The following IGF1R variants were observed in gnomAD, a reference collection of about 807,000 sequenced individuals.
IGF1R encodes insulin like growth factor 1 receptor.
A neutral mutation model predicts 144.6 loss-of-function variants in IGF1R; 44 were observed. The ratio of observed to expected loss-of-function variants is 0.30; its 90% CI spans 0.24 to 0.39. IGF1R has a LOEUF of 0.39. Among genes scored for constraint, IGF1R ranks in the 10% least tolerant of loss-of-function variants. The probability of loss-of-function intolerance (pLI) is 1.00; values close to 1 mark genes in which losing one functional copy is unlikely to be tolerated. For missense variants in IGF1R, 1,355 were observed against 1,833.7 expected (o/e 0.74, Z 4.77); for synonymous variants, 795 against 722.8 (o/e 1.10, Z -1.60).
At chr15:98,783,996 A>G (rs934320213) in intron 2 of IGF1R, among the ~76,000 whole-genome samples, 12 of 89,018 alleles carry the variant, frequency 1.3e-4, no homozygotes, top group African/African-American at 4.7e-4. Flanking sequence ...TTTTTTTGAG[A>G]TGGAGTCTCC....
intron 2 of IGF1R, among the ~76,000 whole-genome samples, chr15:98,860,814 C>G (rs993811739): frequency 6.6e-6 from 1 of 152,128 alleles, no homozygotes; most frequent in Non-Finnish European, 1.5e-5. Context: ...GATTATTTGC[C>G]ACTTCCTTTT....
At chr15:98,720,296 G>A (rs2054216918) in intron 2 of IGF1R, among the ~76,000 whole-genome samples, 1 of 152,198 alleles carries the variant, frequency 6.6e-6, no homozygotes, top group Admixed American at 6.5e-5. Flanking sequence ...GTACACTTAA[G>A]CACCATTGTC....
At chr15:98,884,493 G>C (rs1461861718) in intron 2 of IGF1R, among the ~76,000 whole-genome samples, 3 of 152,010 alleles carry the variant, frequency 2.0e-5, no homozygotes, top group African/African-American at 7.3e-5. Flanking sequence ...AGGAGATTGA[G>C]ACCATCCTGG....
At position 98,911,295 on chromosome 15, in the gene IGF1R, G is replaced by A. The variant is rs766201560; in HGVS notation, c.1463-20G>A. ...AGACACATGAATCTCTGTCACTCAC[G>A]GATGTACTCTTTGCCCCAGGTGAAA... On this transcript the variant is annotated intron_variant, in intron 6 of 20. Coordinates refer to ENST00000650285, the MANE Select transcript of IGF1R (RefSeq NM_000875.5). The A allele has an allele frequency of 2.0e-5, 33 of 1,613,982 alleles. No individual in the cohort carries two copies. The highest frequency in any genetic ancestry group is 6.7e-5 in the East Asian group (3 of 44,876).
At chr15:98,799,036 C>T (rs1202935416) in intron 2 of IGF1R, among the ~76,000 whole-genome samples, 2 of 152,062 alleles carry the variant, frequency 1.3e-5, no homozygotes, top group African/African-American at 4.8e-5. Context: ...GTATGTATTT[C>T]AGTTTTCTTT....
chr15:98,763,200 T>TG (rs2055351002), intron 2 of IGF1R, among the ~76,000 whole-genome samples: 2 of 152,224 alleles, frequency 1.3e-5, no homozygotes, highest in Non-Finnish European at 2.9e-5. Flanking sequence ...GTAAATGCCA[T>TG]TTTGATAAGC....
intron 2 of IGF1R, among the ~76,000 whole-genome samples, chr15:98,793,532 C>T (rs760677527): frequency 2.6e-5 from 4 of 152,146 alleles, no homozygotes; most frequent in Non-Finnish European, 5.9e-5. Flanking sequence ...GGAAAAGAGA[C>T]GATATCCCAG....
Position 98,649,519 on chromosome 15 carries a change from TCTTTTC to T in IGF1R, c.-62_-57del, listed in dbSNP as rs1462375946. On this transcript the variant is annotated 5_prime_UTR_variant, in exon 1 of 21. Coordinates refer to ENST00000650285, the MANE Select transcript of IGF1R (RefSeq NM_000875.5). ...TTCCTTTCATTTCCTTTTTTTCTTTTCTTTTCTTTTTTTTTTTTTTTTTTTTTTTTG... is the reference window on the plus strand; with the variant it reads ...TTCCTTTCATTTCCTTTTTTTCTTTTTTTTTTTTTTTTTTTTTTTTTTTTG... 3 of 922,870 alleles carry T rather than the reference TCTTTTC, an allele frequency of 3.3e-6. No homozygotes were observed. Among genetic ancestry groups the T allele is most frequent in the Admixed American group, 2.5e-5 (1 of 39,902 alleles). The allele number at this position is 922,870 out of a possible 1,614,324, so 57.2% of individuals were successfully genotyped here.
chr15:98,726,712 A>ATTTTTTTTTTTT (rs756622481), intron 2 of IGF1R, among the ~76,000 whole-genome samples: 1 of 93,108 alleles, frequency 1.1e-5, no homozygotes, highest in Non-Finnish European at 2.1e-5. Flanking sequence ...TACATTGATG[A>ATTTTTTTTTTTT]TTTTTTTTTT....
chr15:98,868,491 C>T (rs2012591020), intron 2 of IGF1R, among the ~76,000 whole-genome samples: 1 of 151,740 alleles, frequency 6.6e-6, no homozygotes, highest in African/African-American at 2.4e-5. Context: ...GCCTCTTAGA[C>T]CCTCAGTCTG....
intron 2 of IGF1R, among the ~76,000 whole-genome samples, chr15:98,711,941 C>T (rs1346738006): frequency 1.3e-5 from 2 of 152,172 alleles, no homozygotes; most frequent in Non-Finnish European, 2.9e-5. Context: ...ACTGTCTTCA[C>T]ATGTTGGAAG....
intron 2 of IGF1R, among the ~76,000 whole-genome samples, chr15:98,867,507 A>G (rs1275662202): frequency 6.6e-6 from 1 of 152,082 alleles, no homozygotes; most frequent in Non-Finnish European, 1.5e-5. Flanking sequence ...TGCCTTGCAT[A>G]TGCCTTGCCA....
intron 1 of IGF1R, among the ~76,000 whole-genome samples, chr15:98,699,605 G>T (rs1305043110): frequency 2.6e-5 from 4 of 152,194 alleles, no homozygotes; most frequent in Non-Finnish European, 4.4e-5. Flanking sequence ...GATGCTTTCA[G>T]TGGAGGGGAC....
At chr15:98,777,144 G>A (rs558664098) in intron 2 of IGF1R, among the ~76,000 whole-genome samples, 2 of 152,228 alleles carry the variant, frequency 1.3e-5, no homozygotes, top group Admixed American at 6.5e-5. Flanking sequence ...TTGCTGCAGC[G>A]GCAGGGGGCC....
intron 2 of IGF1R, among the ~76,000 whole-genome samples, chr15:98,796,551 G>A (rs560763221): frequency 4.3e-4 from 65 of 152,148 alleles, no homozygotes; most frequent in Non-Finnish European, 8.8e-4. Context: ...TACTTTTGTC[G>A]ATCAAACAGG....
intron 1 of IGF1R, 28 bp downstream of exon 1, chr15:98,649,703 A>G (rs1323242135): frequency 1.9e-6 from 3 of 1,540,314 alleles, no homozygotes; most frequent in East Asian, 4.5e-5. Flanking sequence ...GCCCGCGGCC[A>G]CTGCGGGAAC....
Position 98,959,555 on chromosome 15 carries a change from C to T in IGF1R, c.*2113C>T, listed in dbSNP as rs2017142957. ...CCACGGTGGCCCAAGAGCCCCTTTG[C>T]TTCTTGCTGGGGGACCAGGGCTGTG... On this transcript the variant is annotated 3_prime_UTR_variant, in exon 21 of 21. Transcript: ENST00000650285. 1 of 233,598 alleles carries T rather than the reference C, an allele frequency of 4.3e-6. No homozygotes were observed. Among genetic ancestry groups the T allele is most frequent in the Non-Finnish European group, 8.5e-6 (1 of 118,022 alleles). 14.5% of individuals were successfully genotyped at this position (233,598 alleles called of 1,614,324 possible).
At chr15:98,702,003 A>G (rs2053745445) in intron 1 of IGF1R, among the ~76,000 whole-genome samples, 2 of 145,854 alleles carry the variant, frequency 1.4e-5, no homozygotes, top group Admixed American at 1.4e-4. Context: ...GAGCTGGTAA[A>G]TGGCACTCTG....
At chr15:98,920,969 C>G (rs1052106495) in intron 10 of IGF1R, among the ~76,000 whole-genome samples, 1 of 152,212 alleles carries the variant, frequency 6.6e-6, no homozygotes, top group Non-Finnish European at 1.5e-5. Flanking sequence ...CTGGGCTGTT[C>G]CGTTCCCTGC....
Sources: allele counts gnomAD v4.1 joint callset (sites outside exome capture counted in the v4.1 genomes callset), GRCh38; gene constraint gnomAD v4.1.1; transcripts MANE v1.5; gene names NCBI Gene and HGNC (gene_info 2026-07-23, HGNC 2026-07-21).